Variants in IFIH1 observed in about 807,000 individuals in gnomAD.
The protein encoded by IFIH1 is interferon-induced helicase C domain-containing protein 1.
Under a neutral mutation model 107.4 loss-of-function variants are expected in IFIH1, and 125 were observed. The observed-to-expected ratio is 1.16, with a 90% confidence interval of 1.01 to 1.35. The LOEUF (loss-of-function observed/expected upper bound fraction) is 1.35, where lower values mean the gene tolerates loss of function less well. IFIH1 is among the 40% of genes most tolerant of loss of function. IFIH1 has a pLI of 0.00. For missense variants in IFIH1, 1,333 were observed against 1,213.7 expected (o/e 1.10, Z -1.46); for synonymous variants, 458 against 413.2 (o/e 1.11, Z -1.31).
chr2:162,281,576 C>T (rs542312305), intron 6 of IFIH1, 31 bp from the exon 7 acceptor site: 1 of 1,481,464 alleles, frequency 6.8e-7, no homozygotes, highest in African/African-American at 1.4e-5. Flanking sequence ...GTTCATTTCT[C>T]CATATCAGCA....
intron 2 of IFIH1, among the ~76,000 whole-genome samples, chr2:162,309,064 A>G (rs74690496): frequency 0.016 from 2,474 of 152,306 alleles, 29 homozygotes; most frequent in Middle Eastern, 0.051. Context: ...TCTTATTCCA[A>G]AAAGGAGATA....
At chr2:162,316,712 T>C (rs948685178) in intron 1 of IFIH1, among the ~76,000 whole-genome samples, 6 of 152,200 alleles carry the variant, frequency 3.9e-5, no homozygotes, top group East Asian at 1.9e-4. Context: ...CTTTGACTTT[T>C]AGTCATGGCT....
intron 5 of IFIH1, among the ~76,000 whole-genome samples, chr2:162,287,039 T>C (rs967160732): frequency 6.6e-5 from 10 of 151,950 alleles, no homozygotes; most frequent in African/African-American, 1.9e-4. Flanking sequence ...GGAATACATA[T>C]GCAAGTCTAT....
intron 1 of IFIH1, among the ~76,000 whole-genome samples, chr2:162,313,763 T>C (rs1247328597): frequency 6.6e-6 from 1 of 152,226 alleles, no homozygotes; most frequent in African/African-American, 2.4e-5. Flanking sequence ...AAAAAGTTAA[T>C]GTCTTAACCC....
chr2:162,310,136 A>T (rs1683364392), intron 2 of IFIH1: 1 of 152,262 alleles, frequency 6.6e-6, no homozygotes, highest in East Asian at 1.9e-4. Flanking sequence ...ACCAGAACAA[A>T]ACTGCAATGA....
At chr2:162,267,935 A>G in intron 14 of IFIH1, 152 bp downstream of exon 14, 1 of 574,520 alleles carries the variant, frequency 1.7e-6, no homozygotes, top group Non-Finnish European at 2.9e-6. Flanking sequence ...TTTAAAACAT[A>G]GACATTTAAA....
At chr2:162,301,484 A>C (rs1230668161) in intron 3 of IFIH1, among the ~76,000 whole-genome samples, 1 of 152,176 alleles carries the variant, frequency 6.6e-6, no homozygotes, top group Non-Finnish European at 1.5e-5. Context: ...TTCTGCATAA[A>C]AGTTTATACC....
chr2:162,298,252 T>G (rs1017542706), intron 3 of IFIH1, among the ~76,000 whole-genome samples: 1 of 152,178 alleles, frequency 6.6e-6, no homozygotes, highest in Non-Finnish European at 1.5e-5. Flanking sequence ...ACCTCTTCTA[T>G]TTTTGGCCTA....
Position 162,278,350 on chromosome 2 carries a change from A to T in IFIH1, c.1642-22T>A, listed in dbSNP as rs761479168. On this transcript the variant is annotated intron_variant, in intron 8 of 15. Transcript: ENST00000649979. ...GATCCTAAAAATAAAGTACACACTT[A>T]TTCTTATGTATTCTTATTGTTAAAG... 4.7e-6 allele frequency: 5 copies of T among 1,053,782 alleles called. No individual in the cohort carries two copies. In the East Asian group the frequency reaches 1.2e-4, roughly 26 times the overall value. The allele number at this position is 1,053,782 out of a possible 1,614,324, so 65.3% of individuals were successfully genotyped here.
intron 2 of IFIH1, chr2:162,307,101 T>C: frequency 2.9e-6 from 1 of 347,144 alleles, no homozygotes; most frequent in East Asian, 5.3e-5. Context: ...GAGATTGCTT[T>C]AATATATTTT....
chr2:162,277,999 G>A (rs1682734803), intron 9 of IFIH1, among the ~76,000 whole-genome samples: 1 of 152,134 alleles, frequency 6.6e-6, no homozygotes, highest in Non-Finnish European at 1.5e-5. Flanking sequence ...AGACTCTGGA[G>A]ACAAAGAGAA....
chr2:162,285,744 A>G (rs1283674581), intron 5 of IFIH1, among the ~76,000 whole-genome samples: 1 of 152,006 alleles, frequency 6.6e-6, no homozygotes, highest in Non-Finnish European at 1.5e-5. Flanking sequence ...CCTGGCTAGA[A>G]TATAGCATTG....
chr2:162,308,783 T>C lies in IFIH1; in HGVS notation c.623-1928A>G, dbSNP rs114075770. Among the ~76,000 whole-genome samples the C allele has an allele frequency of 4.5e-3, 686 of 152,290 alleles. 8 individuals are homozygous for C. The highest frequency in any genetic ancestry group is 0.016 in the African/African-American group (650 of 41,562). On this transcript the variant is annotated intron_variant, in intron 2 of 15. Transcript: ENST00000649979. ...GAGGACAAAATTCCATCTGTAGCAT[T>C]TTACCATTGGCTTCCCAAAATTCAT...
At chr2:162,316,889 A>G (rs1353341950) in intron 1 of IFIH1, among the ~76,000 whole-genome samples, 1 of 152,190 alleles carries the variant, frequency 6.6e-6, no homozygotes, top group African/African-American at 2.4e-5. Context: ...CCCTGTCAAA[A>G]TGCTACCTTA....
At chr2:162,291,432 A>G (rs1404325872) in intron 4 of IFIH1, among the ~76,000 whole-genome samples, 2 of 151,746 alleles carry the variant, frequency 1.3e-5, no homozygotes, top group South Asian at 2.1e-4. Flanking sequence ...TATCAGGCCA[A>G]TATGTATTGC....
intron 5 of IFIH1, among the ~76,000 whole-genome samples, chr2:162,286,255 G>A (rs150210386): frequency 3.3e-5 from 5 of 152,090 alleles, no homozygotes; most frequent in Admixed American, 6.6e-5. Context: ...CTATGTGAAG[G>A]GCTGTCATTA....
At chr2:162,301,722 T>C (rs1444582295) in intron 3 of IFIH1, among the ~76,000 whole-genome samples, 2 of 152,230 alleles carry the variant, frequency 1.3e-5, no homozygotes, top group Non-Finnish European at 2.9e-5. Flanking sequence ...TTTGCTATAA[T>C]TAAAATGCTT....
chr2:162,268,337 GAAGT>G (rs1690965668), intron 13 of IFIH1, 60 bp from the exon 14 acceptor site: 2 of 1,129,666 alleles, frequency 1.8e-6, no homozygotes, highest in African/African-American at 1.6e-5. Context: ...CAGTTTCATA[GAAGT>G]AAGTCTCCTG....
chr2:162,297,399 A>T (rs1683110565), intron 3 of IFIH1, among the ~76,000 whole-genome samples: 2 of 152,268 alleles, frequency 1.3e-5, no homozygotes, highest in African/African-American at 4.8e-5. Context: ...CTATGAAAAA[A>T]ATTTGTGCTT....
Sources: gnomAD v4.1 joint callset for allele counts (sites outside exome capture counted in the v4.1 genomes callset) on GRCh38, gnomAD v4.1.1 for gene constraint, MANE v1.5 for transcripts, NCBI Gene and HGNC (gene_info 2026-07-23, HGNC 2026-07-21) for gene names.